HS6ST3: variants seen among roughly 807,000 people sequenced by gnomAD.
HS6ST3 encodes heparan sulfate 6-O-sulfotransferase 3, also known as heparan-sulfate 6-O-sulfotransferase 3.
HS6ST3 carries 12 observed loss-of-function variants against 36.7 expected under a neutral mutation model. The ratio of observed to expected loss-of-function variants is 0.33; its 90% confidence interval spans 0.21 to 0.53. The LOEUF is 0.53. Ranked by LOEUF, HS6ST3 falls within the 20% of genes least tolerant of loss-of-function variation. The pLI, the probability that HS6ST3 is intolerant of heterozygous loss-of-function variation, is 0.95. For missense variants in HS6ST3, 584 were observed against 640.9 expected (o/e 0.91, Z 0.96); for synonymous variants, 240 against 257.5 (o/e 0.93, Z 0.65).
At chr13:96,734,640 A>T (rs914289981) in intron 1 of HS6ST3, among the ~76,000 whole-genome samples, 1 of 91,764 alleles carries the variant, frequency 1.1e-5, no homozygotes, top group Non-Finnish European at 2.0e-5. Flanking sequence ...AGCACAGTTG[A>T]TTATAAATTG....
chr13:96,211,009 C>T (rs1261265294), intron 1 of HS6ST3, among the ~76,000 whole-genome samples: 1 of 151,518 alleles, frequency 6.6e-6, no homozygotes, highest in Non-Finnish European at 1.5e-5. Context: ...TTGGCTCACT[C>T]AACCTCCACT....
intron 1 of HS6ST3, among the ~76,000 whole-genome samples, chr13:96,447,297 G>A (rs556658286): frequency 3.3e-5 from 5 of 152,020 alleles, no homozygotes; most frequent in African/African-American, 7.2e-5. Flanking sequence ...TCTCATCCCC[G>A]TTGAGACCTC....
chr13:96,519,089 T>C (rs1367601115), intron 1 of HS6ST3, among the ~76,000 whole-genome samples: 1 of 152,210 alleles, frequency 6.6e-6, no homozygotes, highest in East Asian at 1.9e-4. Context: ...AAAACACTTA[T>C]TTAAAAGCTA....
intron 1 of HS6ST3, among the ~76,000 whole-genome samples, chr13:96,600,783 G>A (rs1334463383): frequency 6.6e-6 from 1 of 151,862 alleles, no homozygotes; most frequent in Admixed American, 6.6e-5. Flanking sequence ...ATGCTTTCAA[G>A]TGTTTTTATA....
intron 1 of HS6ST3, among the ~76,000 whole-genome samples, chr13:96,299,888 CT>C (rs1382484164): frequency 6.6e-6 from 1 of 151,902 alleles, no homozygotes; most frequent in Admixed American, 6.6e-5. Context: ...GGTAATTTAT[CT>C]TTTAAAAAGG....
In HS6ST3 at chr13:96,305,847, A is replaced by AT. The variant is rs574864875; in HGVS notation, c.707+214296dup. The stretch of plus-strand genomic sequence containing the variant: ...ATTGTTTGCCTTTCCCCCTTAGTTA[A>AT]TTTTTTTTTTTTTTTTTTGGAGACG... On this transcript the variant is annotated intron_variant, in intron 1 of 1. Transcript: ENST00000376705. 8.8e-3 allele frequency among the ~76,000 whole-genome samples: 1,081 copies of AT among 122,856 alleles called. 10 individuals carry two copies. Among genetic ancestry groups the AT allele is most frequent in the Middle Eastern group, 0.028 (6 of 218 alleles). 80.6% of individuals were successfully genotyped at this position (122,856 alleles called of 152,430 possible).
chr13:96,367,484 C>A (rs2055268767), intron 1 of HS6ST3, among the ~76,000 whole-genome samples: 1 of 152,192 alleles, frequency 6.6e-6, no homozygotes, highest in African/African-American at 2.4e-5. Context: ...CAAATCATAG[C>A]TGTTGACTAT....
intron 1 of HS6ST3, among the ~76,000 whole-genome samples, chr13:96,317,090 G>T (rs1424495003): frequency 6.6e-6 from 1 of 151,662 alleles, no homozygotes; most frequent in East Asian, 1.9e-4. Flanking sequence ...TACCCAATAG[G>T]TAGTTTTTCA....
intron 1 of HS6ST3, among the ~76,000 whole-genome samples, chr13:96,273,338 C>T (rs1381473928): frequency 6.6e-6 from 1 of 151,884 alleles, no homozygotes; most frequent in African/African-American, 2.4e-5. Context: ...GACATTTTTC[C>T]CTCTTGACTG....
intron 1 of HS6ST3, among the ~76,000 whole-genome samples, chr13:96,445,887 A>T (rs1566363322): frequency 6.8e-6 from 1 of 147,542 alleles, no homozygotes; most frequent in Non-Finnish European, 1.5e-5. Flanking sequence ...GAAAAATAAA[A>T]AAATGCTGGG....
intron 1 of HS6ST3, among the ~76,000 whole-genome samples, chr13:96,467,959 G>A (rs2055822370): frequency 6.6e-6 from 1 of 152,174 alleles, no homozygotes; most frequent in Non-Finnish European, 1.5e-5. Context: ...ACTGGGAACA[G>A]CATTAGTCAG....
Position 96,279,493 on chromosome 13 carries a change from G to A in HS6ST3, c.707+187924G>A, listed in dbSNP as rs191125428. On this transcript the variant is annotated intron_variant, in intron 1 of 1. Coordinates refer to ENST00000376705, the MANE Select transcript of HS6ST3 (RefSeq NM_153456.4). Reference sequence around the variant, plus strand: ...CGAAGGAGCAAGTTTCAGAGTGTTAGAAGCACTCAACAGGAACATCTAATC... The same window carrying A: ...CGAAGGAGCAAGTTTCAGAGTGTTAAAAGCACTCAACAGGAACATCTAATC... 1.6e-3 allele frequency among the ~76,000 whole-genome samples: 245 copies of A among 152,270 alleles called. 1 individual carries two copies. Among genetic ancestry groups the A allele is most frequent in the Non-Finnish European group, 2.7e-3 (183 of 68,014 alleles).
chr13:96,768,636 C>G (rs1448832897), intron 1 of HS6ST3, among the ~76,000 whole-genome samples: 1 of 152,106 alleles, frequency 6.6e-6, no homozygotes, highest in African/African-American at 2.4e-5. Flanking sequence ...GAAACAGACT[C>G]TTCACACCAC....
chr13:96,824,087 C>A (rs1878599350), intron 1 of HS6ST3, among the ~76,000 whole-genome samples: 1 of 152,350 alleles, frequency 6.6e-6, no homozygotes, highest in African/African-American at 2.4e-5. Flanking sequence ...GCCACCCGAG[C>A]CTCTCCCCTC....
chr13:96,189,793 G>A (rs1013126837), intron 1 of HS6ST3, among the ~76,000 whole-genome samples: 18 of 152,190 alleles, frequency 1.2e-4, no homozygotes, highest in Non-Finnish European at 2.5e-4. Context: ...TGCAGTGGGC[G>A]TGAACCCAAG....
intron 1 of HS6ST3, among the ~76,000 whole-genome samples, chr13:96,184,221 A>AAAAAGAG (rs1555389928): frequency 2.3e-4 from 14 of 60,990 alleles, no homozygotes; most frequent in African/African-American, 3.7e-4. Context: ...AAAAAAAAAA[A>AAAAAGAG]AGAGAGAGAG....
intron 1 of HS6ST3, among the ~76,000 whole-genome samples, chr13:96,244,529 A>G (rs1244718574): frequency 6.6e-6 from 1 of 152,176 alleles, no homozygotes; most frequent in Non-Finnish European, 1.5e-5. Context: ...GGAATAGAAG[A>G]TGTCATCATG....
chr13:96,301,926 A>ATAATAC (rs1462743149), intron 1 of HS6ST3, among the ~76,000 whole-genome samples: 1 of 147,680 alleles, frequency 6.8e-6, no homozygotes, highest in Non-Finnish European at 1.5e-5. Flanking sequence ...AATAATAATA[A>ATAATAC]TAATAATAAT....
intron 1 of HS6ST3, among the ~76,000 whole-genome samples, chr13:96,695,169 C>T (rs1388568632): frequency 6.6e-6 from 1 of 152,086 alleles, no homozygotes; most frequent in African/African-American, 2.4e-5. Flanking sequence ...GCTCATTGGT[C>T]CTAGTTTACT....
Sources: allele counts gnomAD v4.1 joint callset (sites outside exome capture counted in the v4.1 genomes callset), GRCh38; gene constraint gnomAD v4.1.1; transcripts MANE v1.5; gene names NCBI Gene and HGNC (gene_info 2026-07-23, HGNC 2026-07-21).